The following MRTFA variants were observed in gnomAD, a reference collection of about 807,000 sequenced individuals.
MRTFA encodes myocardin-related transcription factor A.
Under a neutral mutation model 83.5 loss-of-function variants are expected in MRTFA, and 20 were observed. That is an observed-to-expected ratio of 0.24 (90% CI 0.17 to 0.35). MRTFA has a LOEUF of 0.35. Among genes scored for constraint, MRTFA ranks in the 10% least tolerant of loss-of-function variants. The probability of loss-of-function intolerance (pLI) is 1.00; values close to 1 mark genes in which losing one functional copy is unlikely to be tolerated. For synonymous variants in MRTFA, 659 were observed against 541.2 expected (o/e 1.22, Z -3.02); for missense variants, 1,200 against 1,224.7 (o/e 0.98, Z 0.30).
intron 3 of MRTFA, among the ~76,000 whole-genome samples, chr22:40,500,216 A>G (rs908294045): frequency 6.7e-6 from 1 of 148,590 alleles, no homozygotes; most frequent in African/African-American, 2.5e-5. Flanking sequence ...GGCATGAGCC[A>G]CCGCGCCCGG....
In MRTFA at chr22:40,617,184, AGGAGGGAGGGAGGGAGGGAG is replaced by A. The variant is rs1202868594; in HGVS notation, c.-84+19274_-84+19293del. On this transcript the variant is annotated intron_variant, in intron 1 of 14. Transcript: ENST00000355630. ...AAGGAGGGAAGGAGGGAAGGAGGGAAGGAGGGAGGGAGGGAGGGAGGGAGGGAGGGAGGGAGGGCGGGCAG... is the reference window on the plus strand; with the variant it reads ...AAGGAGGGAAGGAGGGAAGGAGGGAAGGAGGGAGGGAGGGAGGGCGGGCAG... Among the ~76,000 whole-genome samples the A allele has an allele frequency of 3.2e-4, 18 of 55,530 alleles. No homozygotes were observed. In the South Asian group the frequency reaches 0.011, roughly 34 times the overall value. 36.4% of individuals were successfully genotyped at this position (55,530 alleles called of 152,430 possible). A position where few individuals can be genotyped will look rare whatever the true frequency, so the allele number is the denominator to read the frequency against.
chr22:40,527,798 G>A (rs1449485174), intron 3 of MRTFA, among the ~76,000 whole-genome samples: 4 of 149,740 alleles, frequency 2.7e-5, no homozygotes, highest in African/African-American at 9.8e-5. Context: ...TCATAAAAGT[G>A]AAGTTCCAAA....
At chr22:40,536,302 CAATA>C (rs1256839485) in intron 3 of MRTFA, among the ~76,000 whole-genome samples, 1 of 152,090 alleles carries the variant, frequency 6.6e-6, no homozygotes, top group Non-Finnish European at 1.5e-5. Flanking sequence ...GACCCTGTCT[CAATA>C]AATAAATAAA....
intron 1 of MRTFA, among the ~76,000 whole-genome samples, chr22:40,635,279 G>C (rs2056682808): frequency 6.6e-6 from 1 of 152,186 alleles, no homozygotes; most frequent in Non-Finnish European, 1.5e-5. Context: ...AACTGCGTAA[G>C]TGACATTTGG....
intron 2 of MRTFA, among the ~76,000 whole-genome samples, chr22:40,577,272 CTA>C (rs1029930099): frequency 7.0e-6 from 1 of 143,850 alleles, no homozygotes; most frequent in African/African-American, 2.5e-5. Context: ...AAAAAAAAGA[CTA>C]TAATGAGATT....
chr22:40,557,589 A>G (rs1411473397), intron 2 of MRTFA, among the ~76,000 whole-genome samples: 1 of 152,124 alleles, frequency 6.6e-6, no homozygotes, highest in East Asian at 1.9e-4. Flanking sequence ...TCGGCAACAT[A>G]GTAAGACCCT....
chr22:40,413,432 C>T (rs1399056876), intron 14 of MRTFA, among the ~76,000 whole-genome samples: 1 of 151,690 alleles, frequency 6.6e-6, no homozygotes, highest in Non-Finnish European at 1.5e-5. Flanking sequence ...CTCCGCCTCC[C>T]GTTTTCAAGC....
intron 2 of MRTFA, among the ~76,000 whole-genome samples, chr22:40,568,380 C>T (rs1236245699): frequency 6.6e-6 from 1 of 152,184 alleles, no homozygotes; most frequent in Non-Finnish European, 1.5e-5. Context: ...TGCATTTTCA[C>T]TTAGTTGTGG....
intron 2 of MRTFA, chr22:40,586,897 CTGCTGGTGCTGCTGGTGCTGG>C (rs2056037670): frequency 2.3e-6 from 1 of 433,206 alleles, no homozygotes; most frequent in Non-Finnish European, 4.7e-6. Context: ...GCTGCTGGTG[CTGCTGGTGCTGCTGGTGCTGG>C]TGCTGGTGCT....
At chr22:40,465,932 A>T (rs771860014) in intron 3 of MRTFA, among the ~76,000 whole-genome samples, 2 of 152,072 alleles carry the variant, frequency 1.3e-5, no homozygotes, top group Non-Finnish European at 2.9e-5. Flanking sequence ...TAAGTAATAC[A>T]CCTAAGGCTA....
intron 3 of MRTFA, among the ~76,000 whole-genome samples, chr22:40,469,627 C>T (rs990519079): frequency 6.6e-6 from 1 of 152,168 alleles, no homozygotes; most frequent in African/African-American, 2.4e-5. Context: ...AATTAACAAA[C>T]ATATAGAACA....
intron 1 of MRTFA, among the ~76,000 whole-genome samples, chr22:40,617,600 G>A (rs529723847): frequency 1.6e-4 from 24 of 151,944 alleles, no homozygotes; most frequent in East Asian, 3.9e-4. Flanking sequence ...GGTGGCGGGC[G>A]CCTGTAGTCC....
intron 4 of MRTFA, among the ~76,000 whole-genome samples, chr22:40,461,056 C>T (rs1228439456): frequency 1.3e-5 from 2 of 151,444 alleles, no homozygotes; most frequent in East Asian, 3.9e-4. Flanking sequence ...AATAATTAGC[C>T]AGGCATGATG....
At chr22:40,447,703 C>A (rs985147958) in intron 4 of MRTFA, among the ~76,000 whole-genome samples, 1 of 152,184 alleles carries the variant, frequency 6.6e-6, no homozygotes, top group South Asian at 2.1e-4. Context: ...TCCCCAATAA[C>A]CTCCACAATG....
intron 3 of MRTFA, among the ~76,000 whole-genome samples, chr22:40,471,675 G>A (rs1472713609): frequency 6.6e-6 from 1 of 152,070 alleles, no homozygotes; most frequent in Non-Finnish European, 1.5e-5. Context: ...TTGAGCTCAG[G>A]AGTTCGAGAC....
At chr22:40,555,069 T>C (rs959000682) in intron 2 of MRTFA, among the ~76,000 whole-genome samples, 1 of 152,252 alleles carries the variant, frequency 6.6e-6, no homozygotes, top group African/African-American at 2.4e-5. Context: ...CCATTGTATC[T>C]TGGAAGTAAA....
At chr22:40,636,443 T>G (rs1199359783) in intron 1 of MRTFA, 35 bp downstream of exon 1, 1 of 151,470 alleles carries the variant, frequency 6.6e-6, no homozygotes, top group Non-Finnish European at 1.5e-5. Context: ...GAGGCCGCGG[T>G]GGGGGAGGGG....
chr22:40,415,853 T>TG lies in MRTFA; in HGVS notation c.2578+1132dup, dbSNP rs531812560. ...TCCAGGCCTCGGTCCTCAGCTCCCT[T>TG]GGTCACGGCTGGATTCCAGGACACC... is the stretch of plus-strand genomic sequence containing the variant. On this transcript the variant is annotated intron_variant, in intron 14 of 14. Coordinates refer to ENST00000355630, the MANE Select transcript of MRTFA (RefSeq NM_020831.6). Among the ~76,000 whole-genome samples, 23 of 152,118 alleles carry TG rather than the reference T, an allele frequency of 1.5e-4. 1 individual carries two copies. In the South Asian group the frequency reaches 4.6e-3, roughly 30 times the overall value.
At chr22:40,547,295 T>TAAACAC (rs941358559) in intron 3 of MRTFA, among the ~76,000 whole-genome samples, 19 of 151,526 alleles carry the variant, frequency 1.3e-4, no homozygotes, top group African/African-American at 4.6e-4. Flanking sequence ...AAATAGACAA[T>TAAACAC]AAACACAAAC....
Sources: allele counts gnomAD v4.1 joint callset (sites outside exome capture counted in the v4.1 genomes callset), GRCh38; gene constraint gnomAD v4.1.1; transcripts MANE v1.5; gene names NCBI Gene and HGNC (gene_info 2026-07-23, HGNC 2026-07-21).